Variants in FRMD4A observed in about 807,000 individuals in gnomAD.
FRMD4A encodes the protein FERM domain containing 4A, also known as FERM domain-containing protein 4A.
In FRMD4A, 29 loss-of-function variants were observed where a neutral mutation model predicts 129.1. That is an observed-to-expected ratio of 0.22 (90% confidence interval 0.17 to 0.31). The LOEUF (loss-of-function observed/expected upper bound fraction) is 0.31, where lower values mean the gene tolerates loss of function less well. FRMD4A is among the 10% of genes least tolerant of loss of function. FRMD4A has a pLI of 1.00. For missense variants in FRMD4A, 1,272 were observed against 1,375.8 expected, an observed-to-expected ratio of 0.92 and a Z score of 1.19; for synonymous variants, 634 against 571.6, an observed-to-expected ratio of 1.11 and a Z score of -1.56.
At chr10:14,217,589 T>C (rs1312015434) in intron 2 of FRMD4A, among the ~76,000 whole-genome samples, 1 of 152,196 alleles carries the variant, frequency 6.6e-6, no homozygotes, top group Non-Finnish European at 1.5e-5. Context: ...GTCCTGGTTA[T>C]GTCTCTATCA....
chr10:14,293,817 GA>G (rs1845923411), intron 2 of FRMD4A, among the ~76,000 whole-genome samples: 1 of 152,188 alleles, frequency 6.6e-6, no homozygotes, highest in African/African-American at 2.4e-5. Context: ...TCACACTCGT[GA>G]AAATATGGAA....
At chr10:14,277,220 C>T (rs1017755595) in intron 2 of FRMD4A, among the ~76,000 whole-genome samples, 2 of 152,120 alleles carry the variant, frequency 1.3e-5, no homozygotes, top group Non-Finnish European at 2.9e-5. Flanking sequence ...CTCACAGTAA[C>T]AGGAACAAAG....
chr10:14,235,298 G>GCCA lies in FRMD4A; in HGVS notation c.45+94757_45+94759dup, dbSNP rs200830083. On this transcript the variant is annotated intron_variant, in intron 2 of 24. Transcript: ENST00000357447. ...CCGAGCAGCTGAGTCCCTGGTGCCC[G>GCCA]CCACCATGCCCAGCTAATTTTTTCT... 8.7e-4 allele frequency among the ~76,000 whole-genome samples: 121 copies of GCCA among 138,302 alleles called. 26 individuals carry two copies. In the East Asian group the frequency reaches 0.022, roughly 25 times the overall value. 90.7% of individuals were successfully genotyped at this position (138,302 alleles called of 152,430 possible).
rs2095505994 is a variant in FRMD4A, at chr10:13,969,653, C to T, written c.46-110741G>A. 3.9e-5 allele frequency among the ~76,000 whole-genome samples: 6 copies of T among 152,148 alleles called. No individual in the cohort carries two copies. In the South Asian group the frequency reaches 1.2e-3, roughly 32 times the overall value. On this transcript the variant is annotated intron_variant, in intron 2 of 24. Transcript: ENST00000357447. ...ATCACTTGAGGACAGGAGTTCAAGA[C>T]TAGCCTGGCCAACGTAGTGAGACCC... is the stretch of plus-strand genomic sequence containing the variant.
rs550735694 is a variant in FRMD4A at position 13,853,889 on chromosome 10, C to A, written c.111+4958G>T. Among the ~76,000 whole-genome samples the A allele has an allele frequency of 4.0e-5, 6 of 149,266 alleles. No homozygotes were observed. In the East Asian group the frequency reaches 9.8e-4, roughly 24 times the overall value. On this transcript the variant is annotated intron_variant, in intron 3 of 24. Transcript: ENST00000357447. ...GGGGATGGGGAAGAAATTCGGCCAACCATTCATCTAAAGTGATGGGGAGAA... is the reference window on the plus strand; with the variant it reads ...GGGGATGGGGAAGAAATTCGGCCAAACATTCATCTAAAGTGATGGGGAGAA...
chr10:14,196,292 G>T (rs1455421740), intron 2 of FRMD4A, among the ~76,000 whole-genome samples: 1 of 152,160 alleles, frequency 6.6e-6, no homozygotes, highest in Non-Finnish European at 1.5e-5. Flanking sequence ...TCAACCTTGA[G>T]CTACTCAAAC....
intron 2 of FRMD4A, among the ~76,000 whole-genome samples, chr10:14,123,135 A>G (rs1838630565): frequency 6.6e-6 from 1 of 152,120 alleles, no homozygotes; most frequent in Admixed American, 6.6e-5. Flanking sequence ...AAAAAACAAA[A>G]AACAAAACAA....
chr10:14,116,296 C>T lies in FRMD4A; in HGVS notation c.45+213762G>A, dbSNP rs560208552. Among the ~76,000 whole-genome samples, 8 of 152,266 alleles carry T rather than the reference C, an allele frequency of 5.3e-5. No individual in the cohort carries two copies. The East Asian group carries it at 5.8e-4, about 11-fold the overall frequency. On this transcript the variant is annotated intron_variant, in intron 2 of 24. Transcript: ENST00000357447. The stretch of plus-strand genomic sequence containing the variant: ...TGTTAGGAAGCCCTGGAAACCGCCA[C>T]GACAGTTTATTGTTCACCTCGGATT...
At chr10:13,812,929 T>C (rs2130881112) in intron 3 of FRMD4A, among the ~76,000 whole-genome samples, 1 of 152,388 alleles carries the variant, frequency 6.6e-6, no homozygotes, top group South Asian at 2.1e-4. Flanking sequence ...GAACGTCTAC[T>C]CTGCGAGAAT....
chr10:14,053,174 G>C (rs1348513354), intron 2 of FRMD4A, among the ~76,000 whole-genome samples: 2 of 152,172 alleles, frequency 1.3e-5, no homozygotes, highest in African/African-American at 4.8e-5. Context: ...TGATTTATTT[G>C]TTTTCTCTCT....
intron 13 of FRMD4A, among the ~76,000 whole-genome samples, chr10:13,701,813 G>A (rs973020298): frequency 4.6e-5 from 7 of 152,164 alleles, no homozygotes; most frequent in African/African-American, 7.2e-5. Context: ...GACAAACTTC[G>A]CAGACAGGAA....
chr10:14,293,353 T>C (rs895177553), intron 2 of FRMD4A, among the ~76,000 whole-genome samples: 1 of 152,150 alleles, frequency 6.6e-6, no homozygotes, highest in African/African-American at 2.4e-5. Flanking sequence ...GGTGCCATGC[T>C]CTTGGACTTC....
intron 3 of FRMD4A, among the ~76,000 whole-genome samples, chr10:13,820,154 C>T (rs1345622362): frequency 6.6e-6 from 1 of 152,206 alleles, no homozygotes; most frequent in Non-Finnish European, 1.5e-5. Context: ...TTGTCCCCTC[C>T]AGCTGCCTCC....
intron 2 of FRMD4A, among the ~76,000 whole-genome samples, chr10:14,126,467 C>CCTGCCTT (rs1222083229): frequency 3.9e-5 from 6 of 151,976 alleles, no homozygotes; most frequent in Non-Finnish European, 8.8e-5. Flanking sequence ...CCGTGCCCGG[C>CCTGCCTT]CTGCCTTGCC....
chr10:14,176,281 A>T (rs536314190), intron 2 of FRMD4A, among the ~76,000 whole-genome samples: 5 of 152,048 alleles, frequency 3.3e-5, no homozygotes, highest in Non-Finnish European at 7.4e-5. Context: ...CATTATTCAT[A>T]CCAACCTCTC....
chr10:14,278,028 G>A (rs1440788657), intron 2 of FRMD4A, among the ~76,000 whole-genome samples: 2 of 152,170 alleles, frequency 1.3e-5, no homozygotes, highest in Non-Finnish European at 2.9e-5. Context: ...CATCTGGCCT[G>A]AGCTGCCCAC....
At position 14,080,049 on chromosome 10, in the gene FRMD4A, C is replaced by T. The variant is rs542962146; in HGVS notation, c.46-221137G>A. 4.6e-5 allele frequency among the ~76,000 whole-genome samples: 7 copies of T among 152,296 alleles called. No individual in the cohort carries two copies. The South Asian group carries it at 1.5e-3, about 32-fold the overall frequency. On this transcript the variant is annotated intron_variant, in intron 2 of 24. Transcript: ENST00000357447. ...CCCTTGGACCTCCTGCCTGGACCTC[C>T]CTGCTTTAAGCAGGAATTGAATGTA...
chr10:13,678,307 C>T (rs557318468), intron 15 of FRMD4A, among the ~76,000 whole-genome samples: 2 of 152,278 alleles, frequency 1.3e-5, no homozygotes, highest in South Asian at 4.1e-4. Flanking sequence ...CTGGGAGTTA[C>T]TTCAGGGCGA....
intron 2 of FRMD4A, among the ~76,000 whole-genome samples, chr10:14,268,227 G>A (rs534286426): frequency 1.6e-4 from 25 of 152,074 alleles, no homozygotes; most frequent in African/African-American, 5.1e-4. Flanking sequence ...AAATATAATG[G>A]TCAACTTATG....
Sources: gnomAD v4.1 joint callset for allele counts (sites outside exome capture counted in the v4.1 genomes callset) on GRCh38, gnomAD v4.1.1 for gene constraint, MANE v1.5 for transcripts, NCBI Gene and HGNC (gene_info 2026-07-23, HGNC 2026-07-21) for gene names.